The following TBCA variants were observed in gnomAD, a reference collection of about 807,000 sequenced individuals.
TBCA encodes the protein tubulin-specific chaperone A.
In TBCA, 6 loss-of-function variants were observed where a neutral mutation model predicts 15.8. The observed-to-expected ratio is 0.38, with a 90% CI of 0.21 to 0.75. TBCA has a LOEUF of 0.75. Among genes scored for constraint, TBCA ranks in the 30% least tolerant of loss-of-function variants. The pLI is 0.46. For missense variants in TBCA, 90 were observed against 131.2 expected (o/e 0.69, Z 1.53); for synonymous variants, 32 against 42.3 (o/e 0.76, Z 0.94).
chr5:77,693,203 T>C (rs1052901734), intron 3 of TBCA, 63 bp downstream of exon 3: 32 of 1,585,960 alleles, frequency 2.0e-5, no homozygotes, highest in Non-Finnish European at 2.7e-5. Context: ...ATTTAAACTT[T>C]TGGCTTTCCA....
intron 1 of TBCA, among the ~76,000 whole-genome samples, chr5:77,771,518 G>T (rs557906877): frequency 6.6e-6 from 1 of 152,134 alleles, no homozygotes; most frequent in African/African-American, 2.4e-5. Context: ...CTAGGAACAA[G>T]ACACTCACCG....
In TBCA at chr5:77,730,544, T is replaced by A. The variant is rs1280048678; in HGVS notation, c.54-22197A>T. 2.0e-5 allele frequency among the ~76,000 whole-genome samples: 3 copies of A among 152,200 alleles called. 1 individual carries two copies. In the East Asian group the frequency reaches 5.8e-4, roughly 29 times the overall value. ...GGCAGTCCTAAGTAATTGAAACAGA[T>A]GCTAATGCAAGCTCAAATTTTTTTT... is the stretch of plus-strand genomic sequence containing the variant. On this transcript the variant is annotated intron_variant, in intron 1 of 3. Coordinates refer to ENST00000380377, the MANE Select transcript of TBCA (RefSeq NM_004607.3).
chr5:77,714,053 T>C (rs549436397), intron 1 of TBCA, among the ~76,000 whole-genome samples: 2 of 148,876 alleles, frequency 1.3e-5, no homozygotes, highest in African/African-American at 4.9e-5. Flanking sequence ...TTCCAGTGGC[T>C]CAACGCCTGT....
chr5:77,693,218 T>C lies in TBCA; in HGVS notation c.246+48A>G, dbSNP rs540217061. On this transcript the variant is annotated intron_variant, in intron 3 of 3. Coordinates refer to ENST00000380377, the MANE Select transcript of TBCA (RefSeq NM_004607.3). Reference sequence around the variant, plus strand: ...ATTTAAACTTTTGGCTTTCCATGTATTGGATTGAAAAAAAAAATTTAAACA... The same window carrying C: ...ATTTAAACTTTTGGCTTTCCATGTACTGGATTGAAAAAAAAAATTTAAACA... 3.3e-5 allele frequency: 53 copies of C among 1,600,944 alleles called. 1 individual carries two copies. In the South Asian group the frequency reaches 5.4e-4, roughly 16 times the overall value.
chr5:77,765,949 G>A (rs145096219), intron 1 of TBCA, among the ~76,000 whole-genome samples: 353 of 150,328 alleles, frequency 2.3e-3, no homozygotes, highest in Non-Finnish European at 3.7e-3. Context: ...ACATACATTC[G>A]TACATTCATA....
At chr5:77,761,226 C>A (rs1171445001) in intron 1 of TBCA, among the ~76,000 whole-genome samples, 1 of 151,546 alleles carries the variant, frequency 6.6e-6, no homozygotes, top group Non-Finnish European at 1.5e-5. Flanking sequence ...AAAGAGAGAT[C>A]AGATTGTTAC....
intron 3 of TBCA, chr5:77,692,395 T>C (rs1745771778): frequency 1.0e-6 from 1 of 983,146 alleles, no homozygotes; most frequent in Admixed American, 6.2e-5. Flanking sequence ...GCAGAGATAT[T>C]GTTGAATACA....
intron 1 of TBCA, among the ~76,000 whole-genome samples, chr5:77,735,138 C>G (rs1159159815): frequency 6.6e-6 from 1 of 152,148 alleles, no homozygotes; most frequent in Non-Finnish European, 1.5e-5. Flanking sequence ...CCAGCGATAT[C>G]TCCAAGGTAC....
At chr5:77,711,742 C>T (rs977742378) in intron 1 of TBCA, among the ~76,000 whole-genome samples, 1 of 152,100 alleles carries the variant, frequency 6.6e-6, no homozygotes, top group East Asian at 1.9e-4. Context: ...GACTGGTAAT[C>T]CAAGTCATCC....
chr5:77,693,230 A>G, intron 3 of TBCA, 36 bp downstream of exon 3: 1 of 1,608,646 alleles, frequency 6.2e-7, no homozygotes, highest in Non-Finnish European at 8.5e-7. Context: ...GGATTGAAAA[A>G]AAAAATTTAA....
rs143581218 is a variant in TBCA at position 77,749,295 on chromosome 5, G to T, written c.53+26910C>A. 4.6e-5 allele frequency among the ~76,000 whole-genome samples: 7 copies of T among 152,334 alleles called. No homozygotes were observed. The East Asian group carries it at 1.3e-3, about 29-fold the overall frequency. ...AGGTGGCTACAAAATTATTACAGTA[G>T]TACAGCATGGACTACAGTTATTATA... On this transcript the variant is annotated intron_variant, in intron 1 of 3. Transcript: ENST00000380377.
chr5:77,753,905 T>G (rs1747414361), intron 1 of TBCA, among the ~76,000 whole-genome samples: 1 of 152,078 alleles, frequency 6.6e-6, no homozygotes, highest in African/African-American at 2.4e-5. Flanking sequence ...ATTACAGGCA[T>G]GCACCACCAC....
chr5:77,692,921 T>C, intron 3 of TBCA: 1 of 1,241,224 alleles, frequency 8.1e-7, no homozygotes, highest in Non-Finnish European at 1.0e-6. Context: ...CTTTTAAAAT[T>C]TTAATCAGTC....
At chr5:77,707,111 G>A (rs1372746003) in intron 2 of TBCA, among the ~76,000 whole-genome samples, 2 of 151,844 alleles carry the variant, frequency 1.3e-5, no homozygotes, top group African/African-American at 4.8e-5. Context: ...ATGCTATTGA[G>A]GTATTTAAGA....
chr5:77,743,873 G>T (rs1747107213), intron 1 of TBCA, among the ~76,000 whole-genome samples: 1 of 152,066 alleles, frequency 6.6e-6, no homozygotes. Flanking sequence ...GGCATATAAT[G>T]GTAAATAAGA....
At chr5:77,740,445 A>C (rs896528243) in intron 1 of TBCA, among the ~76,000 whole-genome samples, 1 of 152,134 alleles carries the variant, frequency 6.6e-6, no homozygotes, top group African/African-American at 2.4e-5. Flanking sequence ...AGGAATTGAG[A>C]TGTAGGTATT....
At chr5:77,716,799 C>T (rs965780836) in intron 1 of TBCA, among the ~76,000 whole-genome samples, 3 of 152,186 alleles carry the variant, frequency 2.0e-5, no homozygotes, top group African/African-American at 7.2e-5. Context: ...AACCATTCCT[C>T]CACTTCTTAC....
intron 3 of TBCA, chr5:77,692,100 T>C (rs1048954422): frequency 1.0e-6 from 1 of 982,854 alleles, no homozygotes; most frequent in Non-Finnish European, 1.2e-6. Context: ...TTTACTAATA[T>C]ATTGTAATGA....
Position 77,765,505 on chromosome 5 carries a change from A to G in TBCA, c.53+10700T>C, listed in dbSNP as rs571640834. On this transcript the variant is annotated intron_variant, in intron 1 of 3. Transcript: ENST00000380377. ...CTCTCATAGAGATGGTGACACCTGA[A>G]GCCCAAGTCCTTACATGAAGTCCTT... 1.3e-4 allele frequency among the ~76,000 whole-genome samples: 20 copies of G among 152,348 alleles called. No individual in the cohort carries two copies. The East Asian group carries it at 3.9e-3, about 29-fold the overall frequency.
Sources: allele counts gnomAD v4.1 joint callset (sites outside exome capture counted in the v4.1 genomes callset), GRCh38; gene constraint gnomAD v4.1.1; transcripts MANE v1.5; gene names NCBI Gene and HGNC (gene_info 2026-07-23, HGNC 2026-07-21).